EBF1: variants seen among roughly 807,000 people sequenced by gnomAD.
EBF1 encodes the protein transcription factor COE1.
EBF1 carries 10 observed loss-of-function variants against 68.4 expected under a neutral mutation model. The ratio of observed to expected loss-of-function variants is 0.15; its 90% CI spans 0.09 to 0.25. EBF1 has a LOEUF of 0.25. Among genes scored for constraint, EBF1 ranks in the 10% least tolerant of loss-of-function variants. The pLI is 1.00. For missense variants in EBF1, 509 were observed against 794.4 expected, an observed-to-expected ratio of 0.64 and a Z score of 4.32; for synonymous variants, 298 against 299.8, an observed-to-expected ratio of 0.99 and a Z score of 0.06.
At chr5:158,875,633 C>G (rs1397492820) in intron 6 of EBF1, among the ~76,000 whole-genome samples, 3 of 152,302 alleles carry the variant, frequency 2.0e-5, no homozygotes, top group East Asian at 3.9e-4. Context: ...AAGTTCTGAG[C>G]TGTTTCTGTA....
chr5:159,096,957 G>C lies in EBF1; in HGVS notation c.291+17C>G. 1 of 1,612,340 alleles carries C rather than the reference G, an allele frequency of 6.2e-7. No individual in the cohort carries two copies. The highest frequency in any genetic ancestry group is 8.5e-7 in the Non-Finnish European group (1 of 1,179,662). On this transcript the variant is annotated intron_variant, in intron 2 of 15. Coordinates refer to ENST00000313708, the MANE Select transcript of EBF1 (RefSeq NM_024007.5). ...GCCGAGCCGGGGACGAGGGGCGACAGCGCTGCGCCCACTTACTTTTTCCTT... is the reference window on the plus strand; with the variant it reads ...GCCGAGCCGGGGACGAGGGGCGACACCGCTGCGCCCACTTACTTTTTCCTT...
rs548276533 is a variant in EBF1, at chr5:158,775,262, T to A, written c.1036+2151A>T. Among the ~76,000 whole-genome samples, 22 of 152,220 alleles carry A rather than the reference T, an allele frequency of 1.4e-4. 1 individual carries two copies. The highest frequency in any genetic ancestry group is 4.1e-4 in the African/African-American group (17 of 41,576). On this transcript the variant is annotated intron_variant, in intron 10 of 15. Coordinates refer to ENST00000313708, the MANE Select transcript of EBF1 (RefSeq NM_024007.5). ...CCAAATAATGATGGATCCCTAGCTC[T>A]TTTCTCTTGAGAACTTAAGTAATTT...
chr5:158,811,964 C>T (rs1371367962), intron 8 of EBF1, among the ~76,000 whole-genome samples: 1 of 152,122 alleles, frequency 6.6e-6, no homozygotes, highest in East Asian at 1.9e-4. Context: ...TGGCTGAGTC[C>T]CCCAGTTCTA....
chr5:158,709,759 T>G (rs1479933323), intron 14 of EBF1, among the ~76,000 whole-genome samples: 2 of 152,208 alleles, frequency 1.3e-5, no homozygotes, highest in African/African-American at 4.8e-5. Context: ...TATACATCTC[T>G]TAGGATTTGT....
intron 6 of EBF1, among the ~76,000 whole-genome samples, chr5:159,009,337 C>T (rs955794746): frequency 1.3e-5 from 2 of 152,178 alleles, no homozygotes; most frequent in South Asian, 2.1e-4. Context: ...AATTGTCTTG[C>T]ACAGTATTTC....
At chr5:158,726,475 A>G (rs1209197533) in intron 11 of EBF1, among the ~76,000 whole-genome samples, 1 of 152,236 alleles carries the variant, frequency 6.6e-6, no homozygotes, top group Non-Finnish European at 1.5e-5. Context: ...TCAGGGGTAT[A>G]GGACATGAAG....
At chr5:159,096,863 G>C (rs918521114) in intron 2 of EBF1, 111 bp downstream of exon 2, 1 of 1,370,152 alleles carries the variant, frequency 7.3e-7, no homozygotes, top group East Asian at 2.5e-5. Context: ...CCCCCACATA[G>C]AAGTGTGTTA....
intron 6 of EBF1, among the ~76,000 whole-genome samples, chr5:158,945,724 G>T (rs565461913): frequency 1.3e-5 from 2 of 152,290 alleles, no homozygotes; most frequent in South Asian, 4.1e-4. Flanking sequence ...GGCCTGCCTT[G>T]CTAGGTTGGG....
chr5:158,866,859 A>G (rs796579724), intron 6 of EBF1, among the ~76,000 whole-genome samples: 2,895 of 24,862 alleles, frequency 0.12, 97 homozygotes, highest in South Asian at 0.25. Context: ...ATATATATAT[A>G]TATATATATA....
chr5:158,822,723 AC>A (rs1463875374), intron 8 of EBF1, among the ~76,000 whole-genome samples: 2 of 152,224 alleles, frequency 1.3e-5, no homozygotes, highest in Non-Finnish European at 2.9e-5. Context: ...ACAGAGATAC[AC>A]CAGGAGGGTG....
intron 6 of EBF1, among the ~76,000 whole-genome samples, chr5:158,975,828 A>G (rs17056371): frequency 0.17 from 26,265 of 152,142 alleles, 2,682 homozygotes; most frequent in African/African-American, 0.28. Context: ...TGGCTTCCTC[A>G]AAAACTTTAC....
intron 6 of EBF1, among the ~76,000 whole-genome samples, chr5:158,990,672 A>G (rs978095822): frequency 6.6e-6 from 1 of 152,216 alleles, no homozygotes; most frequent in Non-Finnish European, 1.5e-5. Context: ...CAAGTCCCTT[A>G]GTCTCCCTGT....
chr5:158,934,557 T>G (rs1354545048), intron 6 of EBF1, among the ~76,000 whole-genome samples: 5 of 152,200 alleles, frequency 3.3e-5, no homozygotes, highest in Non-Finnish European at 7.3e-5. Context: ...CACTCAAAAT[T>G]CAACTCTCAG....
intron 6 of EBF1, among the ~76,000 whole-genome samples, chr5:159,033,466 T>G (rs894889243): frequency 6.6e-6 from 1 of 152,164 alleles, no homozygotes; most frequent in East Asian, 1.9e-4. Flanking sequence ...TCAAAAACAA[T>G]GCTTTGAGAT....
chr5:158,733,758 AT>A (rs1248227704), intron 10 of EBF1, among the ~76,000 whole-genome samples: 2 of 152,190 alleles, frequency 1.3e-5, no homozygotes, highest in African/African-American at 4.8e-5. Flanking sequence ...CCTGCCCTCA[AT>A]ACAGGTATTG....
intron 7 of EBF1, among the ~76,000 whole-genome samples, chr5:158,829,766 G>A (rs1314677154): frequency 1.3e-5 from 2 of 152,246 alleles, no homozygotes; most frequent in East Asian, 1.9e-4. Flanking sequence ...AAATGTTAGA[G>A]TCACAAGAGA....
chr5:158,835,558 AC>A (rs1419773664), intron 7 of EBF1, among the ~76,000 whole-genome samples: 1 of 151,952 alleles, frequency 6.6e-6, no homozygotes, highest in Non-Finnish European at 1.5e-5. Context: ...TCTTTTGAAG[AC>A]CCCTCTCAGG....
intron 7 of EBF1, among the ~76,000 whole-genome samples, chr5:158,824,664 T>C (rs1292677735): frequency 1.3e-5 from 2 of 152,242 alleles, no homozygotes; most frequent in Admixed American, 6.5e-5. Flanking sequence ...CCAAGTTGGC[T>C]GAAGGGGGCA....
chr5:158,729,770 A>G (rs1455117599), intron 11 of EBF1, among the ~76,000 whole-genome samples: 1 of 152,238 alleles, frequency 6.6e-6, no homozygotes, highest in African/African-American at 2.4e-5. Flanking sequence ...AACTGAAGGC[A>G]TCATCTCTGA....
Sources: allele counts gnomAD v4.1 joint callset (sites outside exome capture counted in the v4.1 genomes callset), GRCh38; gene constraint gnomAD v4.1.1; transcripts MANE v1.5; gene names NCBI Gene and HGNC (gene_info 2026-07-23, HGNC 2026-07-21).